Variants in KIF16B observed in about 807,000 individuals in gnomAD.
KIF16B encodes kinesin-like protein KIF16B.
Under a neutral mutation model 156.3 loss-of-function variants are expected in KIF16B, and 98 were observed. The observed-to-expected ratio is 0.63, with a 90% CI of 0.53 to 0.74. The LOEUF is 0.74. Among genes scored for constraint, KIF16B ranks in the 30% least tolerant of loss-of-function variants. The pLI, the probability that KIF16B is intolerant of heterozygous loss-of-function variation, is 0.00. For missense variants in KIF16B, 1,421 were observed against 1,606.5 expected (o/e 0.88, Z 1.97); for synonymous variants, 564 against 583.7 (o/e 0.97, Z 0.49).
Position 16,379,270 on chromosome 20 carries a change from T to TA in KIF16B, c.2731dup (p.Tyr911LeufsTer19). ...AGTTGGCAAGTGATTCTGCAGGAGG[T>TA]ACTGTAGCTGGCGTTCTTTATATTG... On this transcript the variant is annotated frameshift_variant, in exon 19 of 26. Transcript: ENST00000354981. LOFTEE classifies it high-confidence loss of function. The TA allele has an allele frequency of 2.5e-6, 4 of 1,613,988 alleles. No homozygotes were observed. The highest frequency in any genetic ancestry group is 3.4e-6 in the Non-Finnish European group (4 of 1,180,032).
At chr20:16,436,720 T>C (rs1357175838) in intron 12 of KIF16B, among the ~76,000 whole-genome samples, 1 of 152,232 alleles carries the variant, frequency 6.6e-6, no homozygotes, top group Non-Finnish European at 1.5e-5. Flanking sequence ...GTATTGCTGC[T>C]GCAGGCTTGT....
intron 1 of KIF16B, among the ~76,000 whole-genome samples, chr20:16,544,052 G>A (rs79140414): frequency 0.044 from 6,672 of 152,274 alleles, 211 homozygotes; most frequent in South Asian, 0.11. Context: ...AGTATATTTA[G>A]AGAATCCACA....
chr20:16,548,895 C>G (rs1332612241), intron 1 of KIF16B, among the ~76,000 whole-genome samples: 2 of 151,964 alleles, frequency 1.3e-5, no homozygotes, highest in Middle Eastern at 3.4e-3. Context: ...GATGCCTCCC[C>G]AAAATACTGA....
chr20:16,368,192 C>T (rs949220422), intron 22 of KIF16B: 2 of 1,069,106 alleles, frequency 1.9e-6, no homozygotes, highest in Admixed American at 9.7e-5. Context: ...GGGAATTGCA[C>T]AAGGCTCTGC....
intron 22 of KIF16B, among the ~76,000 whole-genome samples, chr20:16,357,872 C>T (rs867107058): frequency 1.3e-5 from 2 of 152,064 alleles, no homozygotes; most frequent in African/African-American, 4.8e-5. Context: ...AATGGTACAC[C>T]GATTTAGCTA....
chr20:16,560,027 C>T (rs1348312387), intron 1 of KIF16B, among the ~76,000 whole-genome samples: 1 of 152,086 alleles, frequency 6.6e-6, no homozygotes, highest in African/African-American at 2.4e-5. Flanking sequence ...TACATGGGAA[C>T]TCTGTATTAT....
intron 1 of KIF16B, among the ~76,000 whole-genome samples, chr20:16,552,920 T>C (rs962062257): frequency 6.6e-6 from 1 of 151,980 alleles, no homozygotes; most frequent in African/African-American, 2.4e-5. Flanking sequence ...TGCCTGCCAC[T>C]ACACCCAGCT....
chr20:16,404,723 G>C (rs2065737568), intron 17 of KIF16B, 90 bp downstream of exon 17: 1 of 1,026,106 alleles, frequency 9.7e-7, no homozygotes, highest in African/African-American at 1.6e-5. Flanking sequence ...CGTTGCAGAA[G>C]TTTTATTTTT....
At chr20:16,479,780 T>G (rs1343384839) in intron 12 of KIF16B, among the ~76,000 whole-genome samples, 2 of 152,168 alleles carry the variant, frequency 1.3e-5, no homozygotes, top group Non-Finnish European at 2.9e-5. Context: ...ATAGCCTAGG[T>G]GTATAGCAGG....
At chr20:16,275,103 C>T (rs8122612) in intron 25 of KIF16B, among the ~76,000 whole-genome samples, 2 of 149,576 alleles carry the variant, frequency 1.3e-5, no homozygotes, top group Non-Finnish European at 3.0e-5. Context: ...TCCCAGGCTG[C>T]AGTGCAGTGG....
chr20:16,331,849 T>G (rs1255217527), intron 24 of KIF16B, among the ~76,000 whole-genome samples: 2 of 152,168 alleles, frequency 1.3e-5, no homozygotes, highest in Non-Finnish European at 2.9e-5. Flanking sequence ...ATTAGCATTA[T>G]TTACAGAGAT....
intron 15 of KIF16B, among the ~76,000 whole-genome samples, chr20:16,419,206 T>G (rs922828092): frequency 2.0e-5 from 3 of 152,100 alleles, no homozygotes; most frequent in African/African-American, 7.2e-5. Context: ...AAATAGTTGT[T>G]GAATCAGCCC....
At chr20:16,378,682 T>C in intron 19 of KIF16B, 123 bp downstream of exon 19, 2 of 1,032,996 alleles carry the variant, frequency 1.9e-6, no homozygotes, top group Non-Finnish European at 2.8e-6. Context: ...GCCTATGTAT[T>C]AAAGAATATG....
At chr20:16,544,436 C>A (rs1319959473) in intron 1 of KIF16B, among the ~76,000 whole-genome samples, 13 of 151,894 alleles carry the variant, frequency 8.6e-5, no homozygotes, top group South Asian at 2.1e-4. Flanking sequence ...ACGGTGAAAC[C>A]CCGTCTCTAC....
chr20:16,437,155 C>A (rs1231118166), intron 12 of KIF16B, among the ~76,000 whole-genome samples: 1 of 152,192 alleles, frequency 6.6e-6, no homozygotes, highest in Non-Finnish European at 1.5e-5. Context: ...AAAGTCTGCA[C>A]ATGTTCAGTA....
chr20:16,428,569 C>CT, intron 14 of KIF16B, among the ~76,000 whole-genome samples: 1 of 152,230 alleles, frequency 6.6e-6, no homozygotes, highest in Non-Finnish European at 1.5e-5. Context: ...GCCTACAACC[C>CT]TCTCCTTCAA....
At chr20:16,359,943 GC>G (rs767108081) in intron 22 of KIF16B, among the ~76,000 whole-genome samples, 65 of 152,282 alleles carry the variant, frequency 4.3e-4, no homozygotes, top group Middle Eastern at 3.4e-3. Flanking sequence ...GAGAAATACT[GC>G]CAGAGTCCCC....
intron 15 of KIF16B, among the ~76,000 whole-genome samples, chr20:16,413,902 G>A (rs2066022160): frequency 6.6e-6 from 1 of 151,954 alleles, no homozygotes; most frequent in Non-Finnish European, 1.5e-5. Flanking sequence ...AGGTAGGGCA[G>A]GTAAAGTTCT....
At chr20:16,482,407 G>C (rs894104117) in intron 12 of KIF16B, among the ~76,000 whole-genome samples, 10 of 152,090 alleles carry the variant, frequency 6.6e-5, no homozygotes, top group Admixed American at 5.2e-4. Flanking sequence ...CCTAGTAACT[G>C]TTGCTAGGTA....
Sources: allele counts gnomAD v4.1 joint callset (sites outside exome capture counted in the v4.1 genomes callset), GRCh38; gene constraint gnomAD v4.1.1; transcripts MANE v1.5; gene names NCBI Gene and HGNC (gene_info 2026-07-23, HGNC 2026-07-21).